KCNAB2: variants seen among roughly 807,000 people sequenced by gnomAD.
The protein encoded by KCNAB2 is potassium voltage-gated channel subfamily A regulatory beta subunit 2.
A neutral mutation model predicts 63.6 loss-of-function variants in KCNAB2; 29 were observed. The observed-to-expected ratio is 0.46, with a 90% CI of 0.34 to 0.62. The LOEUF is 0.62. KCNAB2 is among the 20% of genes least tolerant of loss of function. The pLI, the probability that KCNAB2 is intolerant of heterozygous loss-of-function variation, is 0.01. For synonymous variants in KCNAB2, 222 were observed against 224.2 expected, an observed-to-expected ratio of 0.99 and a Z score of 0.09; for missense variants, 359 against 563.9, an observed-to-expected ratio of 0.64 and a Z score of 3.68.
chr1:6,095,931 C>A (rs1394151050), intron 13 of KCNAB2, among the ~76,000 whole-genome samples: 1 of 149,638 alleles, frequency 6.7e-6, no homozygotes, highest in Non-Finnish European at 1.5e-5. Flanking sequence ...CTCTGCCCCC[C>A]ACCACAGCCC....
At position 6,073,779 on chromosome 1, in the gene KCNAB2, G is replaced by A; in HGVS notation, c.300+9G>A. 1.2e-6 allele frequency: 2 copies of A among 1,613,978 alleles called. No homozygotes were observed. The highest frequency in any genetic ancestry group is 1.7e-6 in the Non-Finnish European group (2 of 1,179,868). ...GCCAGATCACCGATGAGGTAAGATGGGGCTCTCCCAGCACCCCAGAACCCA... is the reference window on the plus strand; with the variant it reads ...GCCAGATCACCGATGAGGTAAGATGAGGCTCTCCCAGCACCCCAGAACCCA... On this transcript the variant is annotated intron_variant, in intron 4 of 15. Coordinates refer to ENST00000378083, the MANE Select transcript of KCNAB2 (RefSeq NM_001199862.2). The surrounding 1 kb of genome is among the most constrained non-coding windows in gnomAD (Gnocchi z 5.7).
At chr1:6,084,385 C>T (rs1041026858) in intron 5 of KCNAB2, among the ~76,000 whole-genome samples, 1 of 152,130 alleles carries the variant, frequency 6.6e-6, no homozygotes, top group Admixed American at 6.5e-5. Context: ...ACACGTGCAC[C>T]CACACACATG....
At chr1:6,084,787 T>TTGGG (rs33919422) in intron 5 of KCNAB2, among the ~76,000 whole-genome samples, 144,284 of 151,282 alleles carry the variant, frequency 0.95, 68,866 homozygotes, top group East Asian at 1. Flanking sequence ...CTACATTCCA[T>TTGGG]TGATAGAGCG....
chr1:6,070,857 A>G (rs1663128446), intron 2 of KCNAB2, among the ~76,000 whole-genome samples: 1 of 152,186 alleles, frequency 6.6e-6, no homozygotes, highest in East Asian at 1.9e-4. Flanking sequence ...CTCAGCCCAT[A>G]GCCGCCACCC....
At chr1:6,065,622 G>C (rs996264481) in intron 2 of KCNAB2, among the ~76,000 whole-genome samples, 3 of 152,146 alleles carry the variant, frequency 2.0e-5, no homozygotes, top group Non-Finnish European at 4.4e-5. Context: ...CCCTTCTCCA[G>C]TCCAAGGAAG....
chr1:6,035,534 C>T lies in KCNAB2; in HGVS notation c.-53+740C>T, dbSNP rs888439317. Among the ~76,000 whole-genome samples the T allele has an allele frequency of 2.0e-5, 3 of 151,702 alleles. No individual in the cohort carries two copies. The highest frequency in any genetic ancestry group is 4.4e-5 in the Non-Finnish European group (3 of 67,912). The stretch of plus-strand genomic sequence containing the variant: ...GATGGATTGGATGTGGGAGGCGGGA[C>T]GTGGGAGGAAGGGAGGAGTCGGGGT... On this transcript the variant is annotated intron_variant, in intron 1 of 15. Coordinates refer to the KCNAB2 transcript ENST00000164247. This position sits in a 1 kb window ranked among gnomAD's most constrained non-coding sequence, Gnocchi z 5.0.
chr1:6,073,583 C>CCA lies in KCNAB2; in HGVS notation c.263-142_263-141dup. ...AGGACTTTCTCTGAAGGCCAGCTGT[C>CCA]CACACACACTAAGGACACCCTGGCC... On this transcript the variant is annotated intron_variant, in intron 3 of 15. Coordinates refer to ENST00000378083, the MANE Select transcript of KCNAB2 (RefSeq NM_001199862.2). The surrounding 1 kb of genome is among the most constrained non-coding windows in gnomAD (Gnocchi z 5.7). 1 of 729,110 alleles carries CCA rather than the reference C, an allele frequency of 1.4e-6. No individual in the cohort carries two copies. The highest frequency in any genetic ancestry group is 2.5e-6 in the Non-Finnish European group (1 of 404,546). The allele number at this position is 729,110 out of a possible 1,614,324, so 45.2% of individuals were successfully genotyped here. A position where few individuals can be genotyped will look rare whatever the true frequency, so the allele number is the denominator to read the frequency against.
intron 1 of KCNAB2, among the ~76,000 whole-genome samples, chr1:6,011,535 G>A (rs1490887009): frequency 6.6e-6 from 1 of 152,256 alleles, no homozygotes; most frequent in African/African-American, 2.4e-5. Context: ...TTGAAGGATG[G>A]AAAGGTAGAC....
intron 1 of KCNAB2, among the ~76,000 whole-genome samples, chr1:6,020,689 C>T (rs978483091): frequency 1.8e-4 from 28 of 152,158 alleles, no homozygotes; most frequent in Admixed American, 7.9e-4. Context: ...ATTTTTGAGA[C>T]GGAGTCTCGC....
chr1:6,025,995 T>C (rs1659145210), intron 1 of KCNAB2: 1 of 153,818 alleles, frequency 6.5e-6, no homozygotes, highest in African/African-American at 2.4e-5. Context: ...CTGGCAGCAG[T>C]GAGGGGAGCT....
rs769237981 is a variant in KCNAB2 at position 6,051,711 on chromosome 1, T to C, written c.175T>C (p.Ser59Pro). The C allele has an allele frequency of 6.5e-7, 1 of 1,533,628 alleles. No individual in the cohort carries two copies. Among genetic ancestry groups the C allele is most frequent in the South Asian group, 1.2e-5 (1 of 83,962 alleles). Residue 59 changes from serine (S) to proline (P), a missense_variant, in exon 2 of 16, where the codon TCC (serine) becomes CCC (proline). Physicochemically the swap from Ser to Pro is moderately conservative, Grantham distance 74. Transcript: ENST00000378083. ...GAGCTTCCTCCGCATGCACGGCCTT[T>C]CCCTGGACGGCTGCACCGCCCAGCG... Reference protein sequence around the residue: ...MESFLRMHGLSLDGCTAQRTG... With the variant: ...MESFLRMHGLPLDGCTAQRTG...
At chr1:6,083,797 C>G (rs1011194784) in intron 5 of KCNAB2, among the ~76,000 whole-genome samples, 5 of 152,168 alleles carry the variant, frequency 3.3e-5, no homozygotes, top group Admixed American at 2.6e-4. Context: ...CTTGCTTCTC[C>G]TGCTGACACT....
Position 6,037,896 on chromosome 1 carries a change from G to A in KCNAB2, c.-52-2621G>A, listed in dbSNP as rs566789395. On this transcript the variant is annotated intron_variant, in intron 1 of 15. Coordinates refer to the KCNAB2 transcript ENST00000164247. ...TCTTTTTTTTTTTTTTTTTTTTGAGGCGGGGTCTCGCTCTGTCACCCAGGC... is the reference window on the plus strand; with the variant it reads ...TCTTTTTTTTTTTTTTTTTTTTGAGACGGGGTCTCGCTCTGTCACCCAGGC... 3.2e-3 allele frequency among the ~76,000 whole-genome samples: 441 copies of A among 139,774 alleles called. 5 individuals carry two copies. The highest frequency in any genetic ancestry group is 0.012 in the African/African-American group (428 of 36,946). 91.7% of individuals were successfully genotyped at this position (139,774 alleles called of 152,430 possible).
rs938395171 is a variant in KCNAB2, at chr1:6,046,010, G to A, written c.-200G>A. On this transcript the variant is annotated 5_prime_UTR_variant, in exon 1 of 16. Coordinates refer to ENST00000378083, the MANE Select transcript of KCNAB2 (RefSeq NM_001199862.2). Reference sequence around the variant, plus strand: ...ACGCCCTAATAGAACTAATGGACTCGCTGCCTCAAAACTCGACTCTGGTGG... The same window carrying A: ...ACGCCCTAATAGAACTAATGGACTCACTGCCTCAAAACTCGACTCTGGTGG... The A allele has an allele frequency of 1.3e-5, 13 of 985,288 alleles. No homozygotes were observed. The South Asian group carries it at 1.9e-4, about 14-fold the overall frequency. 61.0% of individuals were successfully genotyped at this position (985,288 alleles called of 1,614,324 possible). A position where few individuals can be genotyped will look rare whatever the true frequency, so the allele number is the denominator to read the frequency against.
chr1:6,019,203 G>A (rs1658681115), intron 1 of KCNAB2, among the ~76,000 whole-genome samples: 1 of 152,096 alleles, frequency 6.6e-6, no homozygotes, highest in Non-Finnish European at 1.5e-5. Context: ...GAGGCAGACG[G>A]ATCACTTGAG....
intron 1 of KCNAB2, among the ~76,000 whole-genome samples, chr1:6,010,103 C>T (rs1404615139): frequency 6.6e-6 from 1 of 152,144 alleles, no homozygotes; most frequent in Non-Finnish European, 1.5e-5. Flanking sequence ...TCTCAAACTC[C>T]TGGCCCCAAG....
upstream of KCNAB2, among the ~76,000 whole-genome samples, chr1:6,030,809 T>C (rs1659565821): frequency 6.6e-6 from 1 of 151,754 alleles, no homozygotes; most frequent in African/African-American, 2.4e-5. Flanking sequence ...TGTAGGTGTG[T>C]GTGTATATGT....
In KCNAB2 at chr1:5,994,346, G is replaced by A. The variant is rs1019861795; in HGVS notation, c.-53+1558G>A. On this transcript the variant is annotated intron_variant, in intron 1 of 16. Transcript: ENST00000341524. The surrounding 1 kb of genome is among the most constrained non-coding windows in gnomAD (Gnocchi z 5.4). ...GCCTGGCGGCCGTGTCTGCTGCAGA[G>A]CCCTGTGCAGCTCCTGGCCCTGTGC... 1.3e-5 allele frequency among the ~76,000 whole-genome samples: 2 copies of A among 152,234 alleles called. No homozygotes were observed. The highest frequency in any genetic ancestry group is 3.8e-4 in the East Asian group (2 of 5,204).
At position 6,003,521 on chromosome 1, in the gene KCNAB2, C is replaced by T. The variant is rs1377135155; in HGVS notation, c.-53+10733C>T. Among the ~76,000 whole-genome samples, 1 of 152,250 alleles carries T rather than the reference C, an allele frequency of 6.6e-6. No individual in the cohort carries two copies. Among genetic ancestry groups the T allele is most frequent in the African/African-American group, 2.4e-5 (1 of 41,462 alleles). On this transcript the variant is annotated intron_variant, in intron 1 of 16. Transcript: ENST00000341524. The surrounding 1 kb of genome is among the most constrained non-coding windows in gnomAD (Gnocchi z 4.1). The stretch of plus-strand genomic sequence containing the variant: ...GGCCACATTATACCCTCCCGTTTGT[C>T]TATAGTTCACTTAAACATTATTTCC...
Sources: allele counts gnomAD v4.1 joint callset (sites outside exome capture counted in the v4.1 genomes callset), GRCh38; gene constraint gnomAD v4.1.1; non-coding constraint Gnocchi (gnomAD v3.1); transcripts MANE v1.5; gene names NCBI Gene and HGNC (gene_info 2026-07-23, HGNC 2026-07-21).